DLG2: variants seen among roughly 807,000 people sequenced by gnomAD.
DLG2 encodes discs large MAGUK scaffold protein 2.
Under a neutral mutation model 132.5 loss-of-function variants are expected in DLG2, and 45 were observed. The ratio of observed to expected loss-of-function variants is 0.34; its 90% CI spans 0.27 to 0.44. The LOEUF is 0.44. Ranked by LOEUF, DLG2 falls within the 20% of genes least tolerant of loss-of-function variation. The pLI is 1.00. For missense variants in DLG2, 1,045 were observed against 1,196.9 expected (o/e 0.87, Z 1.87); for synonymous variants, 424 against 419.6 (o/e 1.01, Z -0.13).
At chr11:84,477,159 T>C (rs921667060) in intron 7 of DLG2, among the ~76,000 whole-genome samples, 3 of 152,080 alleles carry the variant, frequency 2.0e-5, no homozygotes, top group Non-Finnish European at 4.4e-5. Context: ...GAACCACAAC[T>C]TTTACTGACC....
intron 7 of DLG2, among the ~76,000 whole-genome samples, chr11:84,448,692 C>T (rs1006460445): frequency 5.9e-5 from 9 of 151,946 alleles, no homozygotes. Flanking sequence ...CTTCTATGTC[C>T]CTTATTGTAC....
chr11:85,285,418 T>A lies in DLG2; in HGVS notation c.41-53A>T. 4 of 1,563,884 alleles carry A rather than the reference T, an allele frequency of 2.6e-6. No individual in the cohort carries two copies. The South Asian group carries it at 4.5e-5, about 18-fold the overall frequency. On this transcript the variant is annotated intron_variant, in intron 3 of 27. Transcript: ENST00000376104. ...AAAATGTAATGCATGACTTCATAAA[T>A]AGCTTCTGCATATATGTCCATATAT... is the stretch of plus-strand genomic sequence containing the variant.
At chr11:84,584,758 G>A (rs548956273) in intron 6 of DLG2, among the ~76,000 whole-genome samples, 61 of 141,470 alleles carry the variant, frequency 4.3e-4, no homozygotes, top group African/African-American at 1.6e-3. Flanking sequence ...GCGGGATCTG[G>A]GCTCACTGCA....
chr11:84,930,301 C>T (rs2047937697), intron 6 of DLG2, among the ~76,000 whole-genome samples: 1 of 152,056 alleles, frequency 6.6e-6, no homozygotes, highest in South Asian at 2.1e-4. Flanking sequence ...TCATCTCAAC[C>T]CCACATTAAG....
At chr11:85,337,031 A>G (rs946386124) in intron 3 of DLG2, among the ~76,000 whole-genome samples, 2 of 152,220 alleles carry the variant, frequency 1.3e-5, no homozygotes, top group South Asian at 2.1e-4. Flanking sequence ...ACATAAATAA[A>G]TAAAAGGCAA....
At chr11:84,156,450 T>C (rs768080153) in intron 9 of DLG2, among the ~76,000 whole-genome samples, 10 of 152,172 alleles carry the variant, frequency 6.6e-5, no homozygotes, top group Non-Finnish European at 1.2e-4. Flanking sequence ...TTTGCAAAGA[T>C]GCTAAAATGA....
chr11:84,313,377 G>A (rs913451638), intron 7 of DLG2, among the ~76,000 whole-genome samples: 1 of 151,962 alleles, frequency 6.6e-6, no homozygotes, highest in Non-Finnish European at 1.5e-5. Context: ...TGCCTCCCAA[G>A]TGCTGGGATT....
At chr11:85,484,441 C>G (rs1330797093) in intron 3 of DLG2, among the ~76,000 whole-genome samples, 1 of 151,014 alleles carries the variant, frequency 6.6e-6, no homozygotes, top group Non-Finnish European at 1.5e-5. Flanking sequence ...AAAATATTCG[C>G]AACCTACTCA....
intron 6 of DLG2, among the ~76,000 whole-genome samples, chr11:84,763,569 C>G (rs914013575): frequency 3.9e-5 from 6 of 152,138 alleles, no homozygotes; most frequent in Non-Finnish European, 7.4e-5. Context: ...AGCATCTTCT[C>G]CTAGACACAG....
At chr11:83,965,757 A>G (rs528624450) in intron 12 of DLG2, among the ~76,000 whole-genome samples, 2 of 152,078 alleles carry the variant, frequency 1.3e-5, no homozygotes, top group South Asian at 4.1e-4. Flanking sequence ...TTGTTATGCT[A>G]TAGTTTCTAT....
At position 83,593,656 on chromosome 11, in the gene DLG2, A is replaced by G. The variant is rs573546465; in HGVS notation, c.1940+39555T>C. Reference sequence around the variant, plus strand: ...ACTTAAAGTATAATAAAAAAAAGAAATATATTAAAAAAAAAAGAAAAAAAA... The same window carrying G: ...ACTTAAAGTATAATAAAAAAAAGAAGTATATTAAAAAAAAAAGAAAAAAAA... On this transcript the variant is annotated intron_variant, in intron 19 of 27. Coordinates refer to ENST00000376104, the MANE Select transcript of DLG2 (RefSeq NM_001142699.3). 2.7e-5 allele frequency among the ~76,000 whole-genome samples: 4 copies of G among 150,830 alleles called. No homozygotes were observed. The East Asian group carries it at 7.7e-4, about 29-fold the overall frequency.
chr11:83,585,808 C>G (rs11233684), intron 19 of DLG2, among the ~76,000 whole-genome samples: 7,045 of 152,136 alleles, frequency 0.046, 198 homozygotes, highest in South Asian at 0.11. Context: ...CTGGAGGAAA[C>G]AGAAAAGTCA....
intron 9 of DLG2, among the ~76,000 whole-genome samples, chr11:84,139,597 G>A (rs1035948557): frequency 3.4e-4 from 52 of 152,086 alleles, no homozygotes; most frequent in African/African-American, 8.9e-4. Context: ...TTACTTAGTC[G>A]TCACAGGAAT....
At chr11:84,675,667 G>A (rs996882080) in intron 6 of DLG2, among the ~76,000 whole-genome samples, 14 of 152,038 alleles carry the variant, frequency 9.2e-5, no homozygotes, top group African/African-American at 3.4e-4. Flanking sequence ...CACCCTAGTT[G>A]AAATTCACTA....
Position 84,096,475 on chromosome 11 carries a change from T to A in DLG2, c.749+2448A>T, listed in dbSNP as rs191664897. On this transcript the variant is annotated intron_variant, in intron 10 of 27. Coordinates refer to ENST00000376104, the MANE Select transcript of DLG2 (RefSeq NM_001142699.3). Reference sequence around the variant, plus strand: ...AAGAATGCTGGCATTCTCAGAGATATCACTTTTCATTCTTAATTGTAGAGC... The same window carrying A: ...AAGAATGCTGGCATTCTCAGAGATAACACTTTTCATTCTTAATTGTAGAGC... Among the ~76,000 whole-genome samples, 11 of 152,308 alleles carry A rather than the reference T, an allele frequency of 7.2e-5. No homozygotes were observed. The East Asian group carries it at 1.9e-3, about 27-fold the overall frequency.
chr11:84,964,141 G>T (rs2052996087), intron 6 of DLG2, among the ~76,000 whole-genome samples: 1 of 151,962 alleles, frequency 6.6e-6, no homozygotes. Context: ...TCAAAGAAAA[G>T]ATCAGTGTAT....
At chr11:85,566,108 T>C (rs1408383737) in intron 3 of DLG2, among the ~76,000 whole-genome samples, 1 of 152,218 alleles carries the variant, frequency 6.6e-6, no homozygotes, top group Admixed American at 6.5e-5. Flanking sequence ...ACTAATGATG[T>C]TGGACATCTT....
Position 83,865,457 on chromosome 11 carries a change from G to GAA in DLG2, c.1565+8961_1565+8962dup, listed in dbSNP as rs58307015. ...GCCTGGTATCTTCATGGTGAACAGC[G>GAA]AAAAAAAAAAGACAAGAATAAAAGA... On this transcript the variant is annotated intron_variant, in intron 16 of 27. Coordinates refer to ENST00000376104, the MANE Select transcript of DLG2 (RefSeq NM_001142699.3). Among the ~76,000 whole-genome samples the GAA allele has an allele frequency of 4.0e-3, 521 of 129,566 alleles. 4 individuals are homozygous for GAA. The highest frequency in any genetic ancestry group is 0.015 in the African/African-American group (473 of 31,484). The allele number at this position is 129,566 out of a possible 152,430, so 85.0% of individuals were successfully genotyped here.
Position 83,637,801 on chromosome 11 carries a change from G to A in DLG2, c.1826-4476C>T, listed in dbSNP as rs2065252261. Among the ~76,000 whole-genome samples the A allele has an allele frequency of 2.0e-5, 3 of 152,090 alleles. No individual in the cohort carries two copies. The South Asian group carries it at 6.2e-4, about 32-fold the overall frequency. On this transcript the variant is annotated intron_variant, in intron 18 of 27. Transcript: ENST00000376104. ...TGTAAGCTACTTGGAGACTTGGGAT[G>A]CCTCACTCATCTCTATTCCCAAACC...
Sources: allele counts gnomAD v4.1 joint callset (sites outside exome capture counted in the v4.1 genomes callset), GRCh38; gene constraint gnomAD v4.1.1; transcripts MANE v1.5; gene names NCBI Gene and HGNC (gene_info 2026-07-23, HGNC 2026-07-21).